Variants in CDC73 observed in about 807,000 individuals in gnomAD.
CDC73 encodes the protein cell division cycle 73, also known as parafibromin.
A neutral mutation model predicts 83.7 loss-of-function variants in CDC73; 21 were observed. The observed-to-expected ratio is 0.25, with a 90% CI of 0.18 to 0.36. The LOEUF is 0.36. CDC73 is among the 10% of genes least tolerant of loss of function. The probability of loss-of-function intolerance (pLI) is 1.00; values close to 1 mark genes in which losing one functional copy is unlikely to be tolerated. For missense variants in CDC73, 342 were observed against 653.3 expected (o/e 0.52, Z 5.19); for synonymous variants, 224 against 212.9 (o/e 1.05, Z -0.45).
intron 10 of CDC73, among the ~76,000 whole-genome samples, chr1:193,165,954 T>C (rs1230300364): frequency 6.6e-6 from 1 of 152,274 alleles, no homozygotes; most frequent in South Asian, 2.1e-4. Context: ...ATGTAAGTTC[T>C]GTTATGCCTT....
chr1:193,168,589 A>G (rs948253956), intron 10 of CDC73, among the ~76,000 whole-genome samples: 3 of 151,750 alleles, frequency 2.0e-5, no homozygotes, highest in Admixed American at 6.6e-5. Flanking sequence ...CAGTAGCGCA[A>G]TCTTGCCTCA....
intron 10 of CDC73, among the ~76,000 whole-genome samples, chr1:193,159,073 A>G (rs970427152): frequency 3.9e-5 from 6 of 152,214 alleles, no homozygotes; most frequent in African/African-American, 7.2e-5. Context: ...TACTTGTAAA[A>G]AATCCTTTAT....
intron 10 of CDC73, among the ~76,000 whole-genome samples, chr1:193,191,219 T>C (rs1676912373): frequency 6.6e-6 from 1 of 152,188 alleles, no homozygotes; most frequent in Admixed American, 6.5e-5. Flanking sequence ...TATCAAAAAA[T>C]GAAATTGTGT....
At chr1:193,124,159 A>G (rs764416247) in intron 1 of CDC73, among the ~76,000 whole-genome samples, 36 of 152,230 alleles carry the variant, frequency 2.4e-4, no homozygotes, top group Non-Finnish European at 4.0e-4. Flanking sequence ...TAGATTTTAA[A>G]CTTTTTCAGC....
Position 193,160,602 on chromosome 1 carries a change from A to G in CDC73, c.972+8158A>G, listed in dbSNP as rs1321547408. On this transcript the variant is annotated intron_variant, in intron 10 of 16. Transcript: ENST00000367435. The stretch of plus-strand genomic sequence containing the variant: ...CCTGCATCAGTGTAACTTTAATTCA[A>G]TTTTAACAAAATTATTGTCAGTGTT... Among the ~76,000 whole-genome samples the G allele has an allele frequency of 6.6e-5, 10 of 152,030 alleles. No homozygotes were observed. The South Asian group carries it at 8.3e-4, about 13-fold the overall frequency.
At chr1:193,125,054 A>G (rs1675539895) in intron 1 of CDC73, 58 bp from the exon 2 acceptor site, 9 of 871,092 alleles carry the variant, frequency 1.0e-5, no homozygotes, top group Non-Finnish European at 1.8e-5. Flanking sequence ...AAATGAATCC[A>G]GCCTGAAGAG....
intron 10 of CDC73, chr1:193,180,468 A>G: frequency 1.9e-6 from 3 of 1,614,072 alleles, no homozygotes; most frequent in Non-Finnish European, 2.5e-6. Context: ...CTCGCCAGTG[A>G]TTGAACACAA....
chr1:193,227,290 A>G (rs1677582366), intron 13 of CDC73, among the ~76,000 whole-genome samples: 1 of 152,028 alleles, frequency 6.6e-6, no homozygotes, highest in African/African-American at 2.4e-5. Flanking sequence ...AAAGCAGCAC[A>G]CTGGTTGGTG....
At chr1:193,171,272 T>C (rs925272926) in intron 10 of CDC73, among the ~76,000 whole-genome samples, 1 of 152,212 alleles carries the variant, frequency 6.6e-6, no homozygotes, top group Non-Finnish European at 1.5e-5. Flanking sequence ...AATAAATTAC[T>C]AGAAGTTTGG....
intron 3 of CDC73, among the ~76,000 whole-genome samples, chr1:193,131,483 G>C (rs1252650913): frequency 6.6e-6 from 1 of 152,058 alleles, no homozygotes; most frequent in African/African-American, 2.4e-5. Context: ...TGTAGTCTTA[G>C]CAATAGAGTG....
At chr1:193,168,809 G>A (rs1676474075) in intron 10 of CDC73, among the ~76,000 whole-genome samples, 1 of 152,248 alleles carries the variant, frequency 6.6e-6, no homozygotes, top group South Asian at 2.1e-4. Context: ...ACACGCGTGA[G>A]CCACAGCGTC....
At chr1:193,157,317 T>C (rs1460637558) in intron 10 of CDC73, among the ~76,000 whole-genome samples, 1 of 152,214 alleles carries the variant, frequency 6.6e-6, no homozygotes, top group African/African-American at 2.4e-5. Flanking sequence ...CTAACGTTTA[T>C]GAACAGTCAG....
intron 10 of CDC73, 47 bp from the exon 11 acceptor site, chr1:193,203,748 A>T (rs1220326511): frequency 7.3e-7 from 1 of 1,377,000 alleles, no homozygotes; most frequent in East Asian, 2.3e-5. Context: ...AGTGTTTATT[A>T]TGTAAAGAAA....
chr1:193,210,452 T>C (rs1248883438), intron 11 of CDC73, among the ~76,000 whole-genome samples: 1 of 152,248 alleles, frequency 6.6e-6, no homozygotes, highest in African/African-American at 2.4e-5. Context: ...TTGTAGCACA[T>C]TGAGTTATTG....
chr1:193,230,757 C>A (rs542042668), intron 13 of CDC73, among the ~76,000 whole-genome samples: 113 of 152,174 alleles, frequency 7.4e-4, no homozygotes, highest in African/African-American at 2.7e-3. Context: ...TGATGAACTG[C>A]AGTAGGGTGA....
At chr1:193,143,148 AT>A (rs1558285476) in intron 7 of CDC73, among the ~76,000 whole-genome samples, 1 of 152,192 alleles carries the variant, frequency 6.6e-6, no homozygotes, top group Admixed American at 6.5e-5. Flanking sequence ...GAAAAGAATC[AT>A]TTCTTTTTCT....
intron 10 of CDC73, chr1:193,161,290 T>C (rs776665204): frequency 2.3e-5 from 4 of 173,858 alleles, no homozygotes; most frequent in Non-Finnish European, 5.0e-5. Flanking sequence ...AAGTTCTTAT[T>C]TGAAATTTCA....
chr1:193,238,158 T>A (rs1239757929), intron 15 of CDC73, among the ~76,000 whole-genome samples: 6 of 152,216 alleles, frequency 3.9e-5, no homozygotes, highest in Non-Finnish European at 8.8e-5. Flanking sequence ...ATTTTAACAA[T>A]CATCAGTGAT....
At chr1:193,173,543 C>T (rs1437811915) in intron 10 of CDC73, among the ~76,000 whole-genome samples, 13 of 152,242 alleles carry the variant, frequency 8.5e-5, no homozygotes, top group East Asian at 3.9e-4. Flanking sequence ...TTTACAGTTT[C>T]GATTTCCTGA....
Sources: allele counts gnomAD v4.1 joint callset (sites outside exome capture counted in the v4.1 genomes callset), GRCh38; gene constraint gnomAD v4.1.1; transcripts MANE v1.5; gene names NCBI Gene and HGNC (gene_info 2026-07-23, HGNC 2026-07-21).